MCTP1: variants seen among roughly 807,000 people sequenced by gnomAD.
MCTP1 encodes multiple C2 and transmembrane domain-containing protein 1.
Under a neutral mutation model 120.6 loss-of-function variants are expected in MCTP1, and 69 were observed. The observed-to-expected ratio is 0.57, with a 90% CI of 0.47 to 0.70. The LOEUF (loss-of-function observed/expected upper bound fraction) is 0.70. Among genes scored for constraint, MCTP1 ranks in the 30% least tolerant of loss-of-function variants. MCTP1 has a pLI of 0.00. For synonymous variants in MCTP1, 529 were observed against 493.1 expected, an observed-to-expected ratio of 1.07 and a Z score of -0.96; for missense variants, 1,203 against 1,248.8, an observed-to-expected ratio of 0.96 and a Z score of 0.55.
intron 1 of MCTP1, among the ~76,000 whole-genome samples, chr5:95,051,160 C>G (rs890324783): frequency 6.6e-6 from 1 of 152,166 alleles, no homozygotes; most frequent in African/African-American, 2.4e-5. Context: ...CTGATATATA[C>G]AACAAGTCAG....
intron 1 of MCTP1, among the ~76,000 whole-genome samples, chr5:95,232,491 C>T (rs1203070540): frequency 6.7e-6 from 1 of 149,522 alleles, no homozygotes; most frequent in African/African-American, 2.5e-5. Flanking sequence ...CGGAGTCTCC[C>T]TCTGTCGCCC....
At chr5:94,970,615 G>A (rs189249999) in intron 2 of MCTP1, among the ~76,000 whole-genome samples, 2 of 152,030 alleles carry the variant, frequency 1.3e-5, no homozygotes, top group Admixed American at 1.3e-4. Flanking sequence ...TCTATGACTG[G>A]TAATTGACTC....
chr5:94,716,441 A>G (rs1039056255), intron 19 of MCTP1, among the ~76,000 whole-genome samples: 2 of 151,778 alleles, frequency 1.3e-5, no homozygotes, highest in African/African-American at 4.8e-5. Context: ...TGCACGTTAG[A>G]GTAAAATGAA....
chr5:94,968,064 T>C (rs1825999036), intron 2 of MCTP1, among the ~76,000 whole-genome samples: 1 of 152,192 alleles, frequency 6.6e-6, no homozygotes, highest in African/African-American at 2.4e-5. Flanking sequence ...TTGTTGTGAT[T>C]CCAACATGGG....
chr5:94,854,597 C>T (rs1794389922), intron 17 of MCTP1, among the ~76,000 whole-genome samples: 1 of 151,730 alleles, frequency 6.6e-6, no homozygotes, highest in Non-Finnish European at 1.5e-5. Flanking sequence ...TTACCGAGCT[C>T]GCTGACTAAG....
chr5:95,017,266 A>G (rs1837294754), intron 2 of MCTP1, 101 bp downstream of exon 2: 1 of 598,004 alleles, frequency 1.7e-6, no homozygotes, highest in Admixed American at 2.8e-5. Flanking sequence ...TAAAAATTAT[A>G]TTCTAGTTAA....
chr5:95,042,891 T>G (rs1222956361), intron 1 of MCTP1, among the ~76,000 whole-genome samples: 4 of 152,234 alleles, frequency 2.6e-5, no homozygotes, highest in African/African-American at 9.6e-5. Flanking sequence ...TGATTTTCAT[T>G]ACATTTAGAT....
At chr5:95,005,771 TTTTTTTTTTTTTTTA>T (rs1307108280) in intron 2 of MCTP1, among the ~76,000 whole-genome samples, 1 of 2,520 alleles carries the variant, frequency 4.0e-4, no homozygotes, top group Non-Finnish European at 4.3e-3. Flanking sequence ...TCTTTCTTTA[TTTTTTTTTTTTTTTA>T]CCAAGTCTCA....
At chr5:95,215,228 C>T (rs1165429267) in intron 1 of MCTP1, among the ~76,000 whole-genome samples, 2 of 152,128 alleles carry the variant, frequency 1.3e-5, no homozygotes, top group Non-Finnish European at 2.9e-5. Flanking sequence ...CTCATCTCCT[C>T]CCTGAGACCC....
intron 12 of MCTP1, among the ~76,000 whole-genome samples, chr5:94,876,289 C>A (rs1798853991): frequency 6.6e-6 from 1 of 152,122 alleles, no homozygotes; most frequent in Non-Finnish European, 1.5e-5. Context: ...TCCTTCCTTT[C>A]ATCCTTTTAT....
intron 1 of MCTP1, among the ~76,000 whole-genome samples, chr5:95,280,945 G>C (rs1582726853): frequency 6.6e-6 from 1 of 152,086 alleles, no homozygotes; most frequent in South Asian, 2.1e-4. Flanking sequence ...TTGGGGCCTC[G>C]TGCTGGGCTA....
chr5:95,030,902 C>T (rs1840159667), intron 1 of MCTP1, among the ~76,000 whole-genome samples: 2 of 151,436 alleles, frequency 1.3e-5, no homozygotes, highest in African/African-American at 4.9e-5. Flanking sequence ...AAGCAGATAT[C>T]CAACACAAAG....
intron 2 of MCTP1, among the ~76,000 whole-genome samples, chr5:94,970,647 T>C (rs756496072): frequency 2.9e-4 from 44 of 152,212 alleles, no homozygotes; most frequent in Non-Finnish European, 5.7e-4. Flanking sequence ...AGATACAATA[T>C]ATAGTACTAT....
chr5:95,252,789 C>T (rs1057182615), intron 1 of MCTP1, among the ~76,000 whole-genome samples: 10 of 151,966 alleles, frequency 6.6e-5, no homozygotes, highest in Admixed American at 1.3e-4. Context: ...ATTCTTAATT[C>T]TCATTTTTTC....
chr5:94,848,050 G>A (rs904367826), intron 17 of MCTP1, among the ~76,000 whole-genome samples: 6 of 151,866 alleles, frequency 4.0e-5, no homozygotes, highest in Non-Finnish European at 8.8e-5. Flanking sequence ...GTGGAGAGGA[G>A]GGCTGACAGA....
chr5:95,073,788 T>C (rs774102620), intron 1 of MCTP1, among the ~76,000 whole-genome samples: 3 of 152,284 alleles, frequency 2.0e-5, no homozygotes, highest in Non-Finnish European at 4.4e-5. Context: ...CCCCAGGTTT[T>C]CTTAACTTGG....
At chr5:94,970,650 A>G (rs1441577006) in intron 2 of MCTP1, among the ~76,000 whole-genome samples, 1 of 152,108 alleles carries the variant, frequency 6.6e-6, no homozygotes, top group African/African-American at 2.4e-5. Context: ...TACAATATAT[A>G]GTACTATTAA....
At chr5:94,783,302 A>C (rs1367505764) in intron 18 of MCTP1, among the ~76,000 whole-genome samples, 7 of 152,256 alleles carry the variant, frequency 4.6e-5, no homozygotes, top group Admixed American at 4.6e-4. Context: ...TCATTAACAT[A>C]AAATATAATA....
chr5:95,104,320 C>A (rs1292074340), intron 1 of MCTP1, among the ~76,000 whole-genome samples: 2 of 151,898 alleles, frequency 1.3e-5, no homozygotes, highest in African/African-American at 4.8e-5. Flanking sequence ...TTGTGGTTTT[C>A]ATTTTCCTAA....
Sources: allele counts gnomAD v4.1 joint callset (sites outside exome capture counted in the v4.1 genomes callset), GRCh38; gene constraint gnomAD v4.1.1; transcripts MANE v1.5; gene names NCBI Gene and HGNC (gene_info 2026-07-23, HGNC 2026-07-21).